TMEM132D: variants seen among roughly 807,000 people sequenced by gnomAD.
TMEM132D encodes mature OL transmembrane protein.
In TMEM132D, 21 loss-of-function variants were observed where a neutral mutation model predicts 62.3. That is an observed-to-expected ratio of 0.34 (90% confidence interval 0.24 to 0.49). TMEM132D has a LOEUF of 0.49. TMEM132D is among the 20% of genes least tolerant of loss of function. TMEM132D has a pLI of 0.99. For synonymous variants in TMEM132D, 621 were observed against 575.6 expected, an observed-to-expected ratio of 1.08 and a Z score of -1.13; for missense variants, 1,346 against 1,402.8, an observed-to-expected ratio of 0.96 and a Z score of 0.65.
intron 4 of TMEM132D, among the ~76,000 whole-genome samples, chr12:129,284,599 C>G (rs2135613051): frequency 6.6e-6 from 1 of 152,198 alleles, no homozygotes; most frequent in East Asian, 1.9e-4. Context: ...GGTGTTCAAA[C>G]AAACACATGT....
At chr12:129,583,235 G>A (rs910075284) in intron 2 of TMEM132D, among the ~76,000 whole-genome samples, 5 of 152,154 alleles carry the variant, frequency 3.3e-5, no homozygotes, top group African/African-American at 9.7e-5. Context: ...AATGTTCATC[G>A]TGGCTATGTA....
At chr12:129,086,099 C>G (rs1874608048) in intron 5 of TMEM132D, 1 of 152,224 alleles carries the variant, frequency 6.6e-6, no homozygotes, top group Non-Finnish European at 1.5e-5. Context: ...CTGCATCACT[C>G]TAGGCTGTAC....
chr12:129,377,177 A>C (rs979043707), intron 3 of TMEM132D, among the ~76,000 whole-genome samples: 4 of 152,204 alleles, frequency 2.6e-5, no homozygotes, highest in Non-Finnish European at 4.4e-5. Context: ...ACACAGAGGA[A>C]AGAACATATG....
At chr12:129,203,286 CTCT>C (rs1406260403) in intron 5 of TMEM132D, among the ~76,000 whole-genome samples, 3 of 152,256 alleles carry the variant, frequency 2.0e-5, no homozygotes, top group African/African-American at 7.2e-5. Flanking sequence ...TCCAGAGTCA[CTCT>C]GAACCTGTTC....
At position 129,529,934 on chromosome 12, in the gene TMEM132D, A is replaced by G. The variant is rs148049263; in HGVS notation, c.1115+1125T>C. Among the ~76,000 whole-genome samples the G allele has an allele frequency of 4.7e-3, 715 of 152,362 alleles. 11 individuals are homozygous for G. The highest frequency in any genetic ancestry group is 0.016 in the African/African-American group (674 of 41,590). On this transcript the variant is annotated intron_variant, in intron 3 of 8. Transcript: ENST00000422113. ...ACCCAGTTCACCAGTATGGCACACT[A>G]TCACTACATAAACATATCACTACAT...
At chr12:129,119,160 A>G (rs1280992433) in intron 5 of TMEM132D, among the ~76,000 whole-genome samples, 1 of 152,256 alleles carries the variant, frequency 6.6e-6, no homozygotes, top group East Asian at 1.9e-4. Context: ...TATAAAGTCA[A>G]AACTTGGAAA....
chr12:129,665,131 G>A (rs758240990), intron 2 of TMEM132D, among the ~76,000 whole-genome samples: 4 of 152,022 alleles, frequency 2.6e-5, no homozygotes, highest in Non-Finnish European at 2.9e-5. Flanking sequence ...TTAGGCCCCA[G>A]ATCCTACCCC....
At chr12:129,237,924 T>C (rs1156230806) in intron 4 of TMEM132D, among the ~76,000 whole-genome samples, 1 of 152,202 alleles carries the variant, frequency 6.6e-6, no homozygotes, top group Non-Finnish European at 1.5e-5. Flanking sequence ...ATGTGCATCC[T>C]GATGTGGTTC....
chr12:129,481,650 G>GA (rs1874432315), intron 3 of TMEM132D, among the ~76,000 whole-genome samples: 1 of 152,106 alleles, frequency 6.6e-6, no homozygotes, highest in African/African-American at 2.4e-5. Context: ...TGTCAAATTA[G>GA]AAAAAAATAA....
chr12:129,572,895 A>C (rs1877557391), intron 2 of TMEM132D, among the ~76,000 whole-genome samples: 3 of 152,266 alleles, frequency 2.0e-5, no homozygotes, highest in Middle Eastern at 6.8e-3. Flanking sequence ...GTCTGATGAA[A>C]ATTAAATTAA....
At chr12:129,598,090 A>G (rs1394260218) in intron 2 of TMEM132D, among the ~76,000 whole-genome samples, 1 of 152,254 alleles carries the variant, frequency 6.6e-6, no homozygotes, top group Non-Finnish European at 1.5e-5. Flanking sequence ...GAATTCAACT[A>G]CAAATATAAA....
chr12:129,236,890 G>T (rs1165595216), intron 4 of TMEM132D, among the ~76,000 whole-genome samples: 5 of 151,970 alleles, frequency 3.3e-5, no homozygotes, highest in African/African-American at 1.2e-4. Flanking sequence ...ATTATGTTGA[G>T]GTAAATTCCT....
chr12:129,702,005 A>G (rs1301438471), intron 1 of TMEM132D, among the ~76,000 whole-genome samples: 2 of 152,202 alleles, frequency 1.3e-5, no homozygotes, highest in African/African-American at 4.8e-5. Context: ...GTTGTTTCCC[A>G]TGGACCCATT....
intron 5 of TMEM132D, among the ~76,000 whole-genome samples, chr12:129,165,177 G>A (rs868569652): frequency 1.1e-4 from 17 of 152,174 alleles, no homozygotes; most frequent in South Asian, 4.2e-4. Context: ...AATCTATTAT[G>A]AAGATGTCAG....
chr12:129,396,963 T>G (rs1397682673), intron 3 of TMEM132D, among the ~76,000 whole-genome samples: 1 of 152,204 alleles, frequency 6.6e-6, no homozygotes, highest in African/African-American at 2.4e-5. Flanking sequence ...CTTGTACACC[T>G]GAGATGGTGA....
In TMEM132D at chr12:129,234,038, T is replaced by C. The variant is rs749239670; in HGVS notation, c.1300-24375A>G. Among the ~76,000 whole-genome samples, 17 of 152,298 alleles carry C rather than the reference T, an allele frequency of 1.1e-4. No individual in the cohort carries two copies. The East Asian group carries it at 1.5e-3, about 14-fold the overall frequency. On this transcript the variant is annotated intron_variant, in intron 4 of 8. Transcript: ENST00000422113. ...AAAGATTATTTCATTTTCTCAACCA[T>C]TGAGTTAGATATGTGCATAAACATA...
chr12:129,548,204 C>T (rs897922581), intron 2 of TMEM132D, among the ~76,000 whole-genome samples: 1 of 152,174 alleles, frequency 6.6e-6, no homozygotes. Flanking sequence ...GCCTATATCC[C>T]TCTCCCAGAT....
At chr12:129,814,002 A>G (rs1164618261) in intron 1 of TMEM132D, among the ~76,000 whole-genome samples, 2 of 152,186 alleles carry the variant, frequency 1.3e-5, no homozygotes, top group Non-Finnish European at 2.9e-5. Context: ...TTTTAAAGAA[A>G]ATGTTTAGAC....
chr12:129,815,302 G>A (rs1212419907), intron 1 of TMEM132D, among the ~76,000 whole-genome samples: 2 of 152,158 alleles, frequency 1.3e-5, no homozygotes, highest in East Asian at 1.9e-4. Context: ...AAAATAGCAG[G>A]TTTCAAAATA....
Sources: gnomAD v4.1 joint callset for allele counts (sites outside exome capture counted in the v4.1 genomes callset) on GRCh38, gnomAD v4.1.1 for gene constraint, MANE v1.5 for transcripts, NCBI Gene and HGNC (gene_info 2026-07-23, HGNC 2026-07-21) for gene names.